The following ZNF486 variants were observed in gnomAD, a reference collection of about 807,000 sequenced individuals.
ZNF486 encodes zinc finger protein 486.
Under a neutral mutation model 12.8 loss-of-function variants are expected in ZNF486, and 12 were observed. That is an observed-to-expected ratio of 0.94 (90% CI 0.60 to 1.52). ZNF486 has a LOEUF of 1.52. Among genes scored for constraint, ZNF486 ranks in the 40% most tolerant of loss-of-function variants. The pLI is 0.00. For missense variants in ZNF486, 738 were observed against 545.0 expected (o/e 1.35, Z -3.53); for synonymous variants, 231 against 184.9 (o/e 1.25, Z -2.02).
At chr19:20,183,146 C>T (rs1437468110) in intron 1 of ZNF486, among the ~76,000 whole-genome samples, 2 of 152,162 alleles carry the variant, frequency 1.3e-5, no homozygotes, top group African/African-American at 2.4e-5. Context: ...TCTTATATGC[C>T]ATGCAGAATT....
chr19:20,173,416 T>G (rs534817041), intron 1 of ZNF486, among the ~76,000 whole-genome samples: 1 of 152,166 alleles, frequency 6.6e-6, no homozygotes, highest in Non-Finnish European at 1.5e-5. Flanking sequence ...TCATTGGTCT[T>G]GTGCACTCAT....
At chr19:20,179,087 C>G (rs1293399916) in intron 1 of ZNF486, among the ~76,000 whole-genome samples, 4 of 152,154 alleles carry the variant, frequency 2.6e-5, no homozygotes, top group Admixed American at 2.6e-4. Context: ...AAAGCAGGTT[C>G]TTTTGGTTAT....
intron 1 of ZNF486, among the ~76,000 whole-genome samples, chr19:20,171,973 C>G (rs961351519): frequency 8.6e-5 from 13 of 150,486 alleles, no homozygotes; most frequent in Admixed American, 4.6e-4. Context: ...TTTTCTGTTT[C>G]TACGTTAGTT....
At chr19:20,172,649 G>A (rs1188900464) in intron 1 of ZNF486, among the ~76,000 whole-genome samples, 1 of 147,306 alleles carries the variant, frequency 6.8e-6, no homozygotes, top group African/African-American at 2.6e-5. Flanking sequence ...ACTTGTTTAA[G>A]TTCTTTTTTT....
chr19:20,169,900 T>G (rs1435537259), intron 1 of ZNF486, among the ~76,000 whole-genome samples: 5 of 147,044 alleles, frequency 3.4e-5, no homozygotes, highest in African/African-American at 5.1e-5. Flanking sequence ...TTTTTTTTTT[T>G]TTTTTTTTTT....
intron 1 of ZNF486, among the ~76,000 whole-genome samples, chr19:20,168,774 G>T (rs1212756491): frequency 6.6e-6 from 1 of 152,160 alleles, no homozygotes; most frequent in Non-Finnish European, 1.5e-5. Context: ...CACTGACATG[G>T]AAATTAAAGC....
At chr19:20,183,427 T>C (rs1446341611) in intron 1 of ZNF486, among the ~76,000 whole-genome samples, 1 of 152,220 alleles carries the variant, frequency 6.6e-6, no homozygotes, top group Non-Finnish European at 1.5e-5. Context: ...GGGTGCTAAA[T>C]GAAGCCTACT....
At chr19:20,177,075 C>T (rs1337636232) in intron 1 of ZNF486, 2 of 152,282 alleles carry the variant, frequency 1.3e-5, no homozygotes, top group South Asian at 2.1e-4. Flanking sequence ...TCAGGCCTCA[C>T]TCTCTGATGT....
Position 20,199,010 on chromosome 19 carries a change from T to C in ZNF486, c.*908T>C, listed in dbSNP as rs2089988885. ...TATGGTTGCCACACTTTATTGTAGG[T>C]AATTCATACTTCCAAAATACCTACA... On this transcript the variant is annotated 3_prime_UTR_variant, in exon 4 of 4. Coordinates refer to ENST00000335117, the MANE Select transcript of ZNF486 (RefSeq NM_052852.4). 6.6e-6 allele frequency: 1 copy of C among 151,934 alleles called. No homozygotes were observed. Among genetic ancestry groups the C allele is most frequent in the South Asian group, 2.1e-4 (1 of 4,814 alleles). 9.4% of individuals were successfully genotyped at this position (151,934 alleles called of 1,614,324 possible).
chr19:20,184,305 A>G, intron 1 of ZNF486, 51 bp from the exon 2 acceptor site: 1 of 1,605,650 alleles, frequency 6.2e-7, no homozygotes, highest in Non-Finnish European at 8.5e-7. Context: ...TAAATTAAAA[A>G]TTCCACCAAC....
At chr19:20,189,708 T>G (rs2089884453) in intron 3 of ZNF486, among the ~76,000 whole-genome samples, 1 of 152,210 alleles carries the variant, frequency 6.6e-6, no homozygotes, top group Admixed American at 6.5e-5. Context: ...TAAGAGTTTT[T>G]ATTTATTTTG....
At chr19:20,192,719 A>C (rs1474795748) in intron 3 of ZNF486, among the ~76,000 whole-genome samples, 2 of 152,174 alleles carry the variant, frequency 1.3e-5, no homozygotes, top group African/African-American at 2.4e-5. Context: ...CCTCTCAAAC[A>C]GCTGGGTTAC....
intron 3 of ZNF486, among the ~76,000 whole-genome samples, chr19:20,194,084 T>C (rs902707215): frequency 2.0e-5 from 3 of 151,086 alleles, no homozygotes; most frequent in Non-Finnish European, 4.4e-5. Flanking sequence ...CTTTTATCTT[T>C]TAAATTTAGA....
intron 1 of ZNF486, among the ~76,000 whole-genome samples, chr19:20,172,679 G>GTCA (rs1568316379): frequency 3.5e-4 from 48 of 137,382 alleles, no homozygotes; most frequent in African/African-American, 1.4e-3. Flanking sequence ...AGATGGAGTC[G>GTCA]CTTAGACTGG....
Position 20,197,945 on chromosome 19 carries a change from G to T in ZNF486, c.1235G>T (p.Gly412Val), listed in dbSNP as rs781968701. ...AAACCCTACAAATGTGAAGAATGTGGCAAAGCGTATACTACATCCTCAAAT... is the reference window on the plus strand; with the variant it reads ...AAACCCTACAAATGTGAAGAATGTGTCAAAGCGTATACTACATCCTCAAAT... ...GEKPYKCEEC[G>V]KAYTTSSNLT... is the part of the protein sequence containing the mutation. The change falls in exon 4 of 4, where the codon GGC (glycine) becomes GTC (valine). Residue 412 changes from glycine to valine, a missense_variant. Coordinates refer to ENST00000335117, the MANE Select transcript of ZNF486 (RefSeq NM_052852.4). 3 of 1,613,760 alleles carry T rather than the reference G, an allele frequency of 1.9e-6. No homozygotes were observed. Among genetic ancestry groups the T allele is most frequent in the Non-Finnish European group, 2.5e-6 (3 of 1,179,810 alleles).
chr19:20,182,844 A>G (rs2089801090), intron 1 of ZNF486, among the ~76,000 whole-genome samples: 1 of 152,122 alleles, frequency 6.6e-6, no homozygotes, highest in African/African-American at 2.4e-5. Flanking sequence ...TGTTCTCAAG[A>G]TGCAGGTGTA....
chr19:20,169,927 G>T (rs1261203253), intron 1 of ZNF486, among the ~76,000 whole-genome samples: 3 of 130,928 alleles, frequency 2.3e-5, no homozygotes, highest in East Asian at 4.5e-4. Context: ...GTCTCACTCC[G>T]TCGCCCAGGC....
At chr19:20,183,661 ATTT>A (rs1219232159) in intron 1 of ZNF486, among the ~76,000 whole-genome samples, 1 of 151,042 alleles carries the variant, frequency 6.6e-6, no homozygotes, top group Admixed American at 6.6e-5. Context: ...TCTCTGACAG[ATTT>A]TTTTCACTAT....
intron 1 of ZNF486, among the ~76,000 whole-genome samples, chr19:20,171,986 CT>C (rs558961336): frequency 2.0e-3 from 295 of 144,404 alleles, no homozygotes; most frequent in Non-Finnish European, 3.4e-3. Context: ...CGTTAGTTTC[CT>C]TTTTTTTTTT....
Sources: gnomAD v4.1 joint callset for allele counts (sites outside exome capture counted in the v4.1 genomes callset) on GRCh38, gnomAD v4.1.1 for gene constraint, MANE v1.5 for transcripts, NCBI Gene and HGNC (gene_info 2026-07-23, HGNC 2026-07-21) for gene names.